Variants in SORCS1 observed in about 807,000 individuals in gnomAD.
The protein encoded by SORCS1 is VPS10 domain-containing receptor SorCS1.
Under a neutral mutation model 146.1 loss-of-function variants are expected in SORCS1, and 60 were observed. The observed-to-expected ratio is 0.41, with a 90% CI of 0.33 to 0.51. The LOEUF (loss-of-function observed/expected upper bound fraction) is 0.51. SORCS1 is among the 20% of genes least tolerant of loss of function. The probability of loss-of-function intolerance (pLI) is 0.21; values close to 1 mark genes in which losing one functional copy is unlikely to be tolerated. For missense variants in SORCS1, 1,352 were observed against 1,487.6 expected, an observed-to-expected ratio of 0.91 and a Z score of 1.50; for synonymous variants, 637 against 584.0, an observed-to-expected ratio of 1.09 and a Z score of -1.31.
intron 17 of SORCS1, among the ~76,000 whole-genome samples, chr10:106,655,475 G>A (rs7084276): frequency 0.15 from 23,184 of 151,836 alleles, 2,393 homozygotes; most frequent in East Asian, 0.31. Context: ...CTCTTGGTGG[G>A]CAGCTATAGA....
intron 1 of SORCS1, among the ~76,000 whole-genome samples, chr10:106,976,655 A>T (rs1007149163): frequency 1.3e-4 from 20 of 152,038 alleles, no homozygotes; most frequent in African/African-American, 4.6e-4. Context: ...TTTAAGCCGC[A>T]CATGCATTAG....
intron 5 of SORCS1, among the ~76,000 whole-genome samples, chr10:106,731,218 G>A (rs541575919): frequency 1.9e-3 from 287 of 149,938 alleles, no homozygotes; most frequent in Non-Finnish European, 3.3e-3. Context: ...GCATGAACCC[G>A]GGAGGTAGAG....
chr10:107,060,659 G>C lies in SORCS1; in HGVS notation c.558+103310C>G, dbSNP rs1961113064. Among the ~76,000 whole-genome samples, 1 of 152,024 alleles carries C rather than the reference G, an allele frequency of 6.6e-6. No homozygotes were observed. The highest frequency in any genetic ancestry group is 2.1e-4 in the South Asian group (1 of 4,834). On this transcript the variant is annotated intron_variant, in intron 1 of 25. Coordinates refer to ENST00000263054, the MANE Select transcript of SORCS1 (RefSeq NM_052918.5). The surrounding 1 kb of genome is among the most constrained non-coding windows in gnomAD (Gnocchi z 4.1). The stretch of plus-strand genomic sequence containing the variant: ...TTTTCCCTTACTTTGTGATATTTGT[G>C]ACCATGAGTCCCCGGCTCACGGTTT...
At chr10:106,772,066 C>T (rs1209583768) in intron 4 of SORCS1, among the ~76,000 whole-genome samples, 1 of 152,144 alleles carries the variant, frequency 6.6e-6, no homozygotes, top group Non-Finnish European at 1.5e-5. Context: ...TAAAACTTAT[C>T]TGGGTATATC....
At chr10:106,694,940 A>T (rs560390443) in intron 9 of SORCS1, among the ~76,000 whole-genome samples, 1 of 152,282 alleles carries the variant, frequency 6.6e-6, no homozygotes, top group South Asian at 2.1e-4. Flanking sequence ...CACTTCCCAA[A>T]GGAGAGAAGG....
intron 1 of SORCS1, among the ~76,000 whole-genome samples, chr10:106,961,616 C>A (rs188199125): frequency 5.3e-5 from 8 of 152,266 alleles, no homozygotes; most frequent in African/African-American, 1.7e-4. Context: ...CTGGTCCTGG[C>A]AGGGTGAAAT....
At chr10:106,618,089 C>T (rs2133470482) in intron 21 of SORCS1, 60 bp downstream of exon 21, 8 of 1,602,580 alleles carry the variant, frequency 5.0e-6, no homozygotes, top group South Asian at 3.4e-5. Flanking sequence ...GGCATCATGG[C>T]ACAAGAGAAC....
intron 1 of SORCS1, among the ~76,000 whole-genome samples, chr10:107,040,496 G>A (rs2133987274): frequency 6.6e-6 from 1 of 152,254 alleles, no homozygotes; most frequent in East Asian, 1.9e-4. Flanking sequence ...TTTCTTCACT[G>A]AGCAGCTGAG....
chr10:106,673,953 C>T (rs572130866), intron 14 of SORCS1, among the ~76,000 whole-genome samples: 16 of 152,060 alleles, frequency 1.1e-4, no homozygotes, highest in Middle Eastern at 3.4e-3. Flanking sequence ...AATTTAGCTA[C>T]GTCTCTCATT....
At chr10:107,099,293 C>T (rs1964756621) in intron 1 of SORCS1, among the ~76,000 whole-genome samples, 1 of 152,116 alleles carries the variant, frequency 6.6e-6, no homozygotes, top group Non-Finnish European at 1.5e-5. Flanking sequence ...TTCTCAGGGA[C>T]TCTTGATTGA....
chr10:106,671,338 C>A lies in SORCS1; in HGVS notation c.2088G>T (p.Arg696Ser). Reference sequence around the variant, plus strand: ...GCTCTGATTTTCGCTTCTTATATATCCTTTTTGCTCCCATGATACATGCTT... The same window carrying A: ...GCTCTGATTTTCGCTTCTTATATATACTTTTTGCTCCCATGATACATGCTT... Reference protein sequence around the residue: ...QGEACIMGAKRIYKKRKSERK... With the variant: ...QGEACIMGAKSIYKKRKSERK... The change falls in exon 16 of 26, where the codon AGG becomes AGT. Residue 696 changes from arginine (R) to serine (S), a missense_variant. Around this residue, in one of 3 missense-constraint regions of SORCS1, gnomAD observed 648 missense variants for 793.8 expected, o/e 0.82. Transcript: ENST00000263054. 6.2e-7 allele frequency: 1 copy of A among 1,614,084 alleles called. No individual in the cohort carries two copies. The highest frequency in any genetic ancestry group is 8.5e-7 in the Non-Finnish European group (1 of 1,179,984).
intron 9 of SORCS1, among the ~76,000 whole-genome samples, chr10:106,689,995 A>C (rs532857210): frequency 1.4e-4 from 22 of 152,302 alleles, no homozygotes; most frequent in Middle Eastern, 3.4e-3. Flanking sequence ...GAATACTTTG[A>C]ACTATCATAC....
chr10:107,101,690 C>G (rs1245276770), intron 1 of SORCS1, among the ~76,000 whole-genome samples: 2 of 151,934 alleles, frequency 1.3e-5, no homozygotes, highest in African/African-American at 4.8e-5. Context: ...AAATAGTAAC[C>G]TGAAATTTAA....
chr10:106,634,740 C>T (rs1258311448), intron 18 of SORCS1, among the ~76,000 whole-genome samples: 1 of 152,126 alleles, frequency 6.6e-6, no homozygotes, highest in Non-Finnish European at 1.5e-5. Context: ...ACTAGTAAGA[C>T]AGTATCATGT....
At chr10:106,597,683 T>A (rs537552211) in intron 23 of SORCS1, among the ~76,000 whole-genome samples, 19 of 152,302 alleles carry the variant, frequency 1.2e-4, no homozygotes, top group Admixed American at 5.9e-4. Flanking sequence ...TATTAGTGAA[T>A]GAAAATAATT....
At position 106,993,976 on chromosome 10, in the gene SORCS1, G is replaced by A. The variant is rs367929982; in HGVS notation, c.559-37396C>T. Among the ~76,000 whole-genome samples the A allele has an allele frequency of 1.4e-3, 203 of 146,998 alleles. 1 individual carries two copies. Among genetic ancestry groups the A allele is most frequent in the African/African-American group, 4.8e-3 (191 of 39,554 alleles). On this transcript the variant is annotated intron_variant, in intron 1 of 25. Coordinates refer to ENST00000263054, the MANE Select transcript of SORCS1 (RefSeq NM_052918.5). ...GTAGCCTCAGTTACTCGGGAGGATC[G>A]CTTGAGCCTGGAAGGTGGAGACTGC...
chr10:106,680,653 T>C (rs980720627), intron 10 of SORCS1, among the ~76,000 whole-genome samples: 2 of 152,214 alleles, frequency 1.3e-5, no homozygotes, highest in Admixed American at 6.5e-5. Context: ...ATAAATCTTA[T>C]ATGAATTTTG....
chr10:107,048,198 T>C (rs1959702313), intron 1 of SORCS1, among the ~76,000 whole-genome samples: 1 of 152,216 alleles, frequency 6.6e-6, no homozygotes, highest in Admixed American at 6.5e-5. Flanking sequence ...TTTAACACCA[T>C]ATTTTAGTTA....
At chr10:106,586,483 C>T (rs565682283) in intron 24 of SORCS1, among the ~76,000 whole-genome samples, 35 of 152,012 alleles carry the variant, frequency 2.3e-4, no homozygotes, top group Non-Finnish European at 3.7e-4. Flanking sequence ...GCATTTCTGA[C>T]GCATGTTTGT....
Sources: allele counts gnomAD v4.1 joint callset (sites outside exome capture counted in the v4.1 genomes callset), GRCh38; gene constraint gnomAD v4.1.1; regional missense constraint gnomAD v4.1.1; non-coding constraint Gnocchi (gnomAD v3.1); transcripts MANE v1.5; gene names NCBI Gene and HGNC (gene_info 2026-07-23, HGNC 2026-07-21).